The following STOML3 variants were observed in gnomAD, a reference collection of about 807,000 sequenced individuals.
STOML3 encodes the protein stomatin like 3.
A neutral mutation model predicts 29.5 loss-of-function variants in STOML3; 31 were observed. That is an observed-to-expected ratio of 1.05 (90% CI 0.79 to 1.42). STOML3 has a LOEUF of 1.42. Among genes scored for constraint, STOML3 ranks in the 40% most tolerant of loss-of-function variants. STOML3 has a pLI of 0.00. For synonymous variants in STOML3, 122 were observed against 139.8 expected, an observed-to-expected ratio of 0.87 and a Z score of 0.90; for missense variants, 380 against 363.0, an observed-to-expected ratio of 1.05 and a Z score of -0.38.
intron 3 of STOML3, among the ~76,000 whole-genome samples, chr13:38,973,318 G>T (rs932323979): frequency 6.6e-6 from 1 of 151,968 alleles, no homozygotes; most frequent in Non-Finnish European, 1.5e-5. Context: ...TCATTGTACT[G>T]GTTGTGATAA....
At chr13:38,985,889 C>CTT (rs200028643) in intron 1 of STOML3, among the ~76,000 whole-genome samples, 1,300 of 61,384 alleles carry the variant, frequency 0.021, 9 homozygotes, top group Non-Finnish European at 0.037. Flanking sequence ...GTGGCTATTT[C>CTT]TTTTTTTTTT....
chr13:38,988,628 A>T (rs1471956470), intron 1 of STOML3, among the ~76,000 whole-genome samples: 1 of 117,338 alleles, frequency 8.5e-6, no homozygotes, highest in African/African-American at 3.6e-5. Flanking sequence ...TATATAATAT[A>T]TTATATTTTA....
chr13:38,979,419 A>T (rs761092576), intron 1 of STOML3, among the ~76,000 whole-genome samples: 10 of 151,296 alleles, frequency 6.6e-5, no homozygotes, highest in Non-Finnish European at 1.0e-4. Flanking sequence ...TATCTAGAGA[A>T]GTTCTGTAGT....
At chr13:38,988,814 G>T (rs1441657635) in intron 1 of STOML3, among the ~76,000 whole-genome samples, 3 of 141,642 alleles carry the variant, frequency 2.1e-5, no homozygotes, top group African/African-American at 7.7e-5. Context: ...ATAGTATATA[G>T]TATATATAAT....
intron 2 of STOML3, 39 bp from the exon 3 acceptor site, chr13:38,976,651 G>T (rs750024060): frequency 2.5e-5 from 41 of 1,613,866 alleles, no homozygotes; most frequent in Non-Finnish European, 3.4e-5. Context: ...CTAATGGTTT[G>T]TCAGTTCATA....
At position 38,966,850 on chromosome 13, in the gene STOML3, T is replaced by A. The variant is rs754297769; in HGVS notation, c.851A>T (p.His284Leu). 30 of 1,613,412 alleles carry A rather than the reference T, an allele frequency of 1.9e-5. No homozygotes were observed. In the Admixed American group the frequency reaches 4.8e-4, roughly 26 times the overall value. ...TCAGGCTTTATTTGGAAGCTTCTTG[T>A]GGTTATCATAGCTGACGCCACCAAT... The part of the protein sequence containing the change: ...EGIGGVSYDN[H>L]KKLPNKA Residue 284 changes from histidine (H) to leucine (L), a missense_variant, in exon 7 of 7, where the codon CAC becomes CTC. His to Leu is a moderately conservative substitution (Grantham distance 99). Coordinates refer to ENST00000379631, the MANE Select transcript of STOML3 (RefSeq NM_145286.3).
intron 1 of STOML3, among the ~76,000 whole-genome samples, chr13:38,988,553 T>C (rs1868821977): frequency 7.8e-6 from 1 of 127,736 alleles, no homozygotes; most frequent in Non-Finnish European, 1.6e-5. Context: ...ATATCATATA[T>C]TTTATATATA....
At position 38,969,709 on chromosome 13, in the gene STOML3, C is replaced by G. The variant is rs761277281; in HGVS notation, c.516+476G>C. On this transcript the variant is annotated intron_variant, in intron 5 of 6. Transcript: ENST00000379631. ...ACCTCTTTATTGATATCATAATTAT[C>G]ATTACTATTAATGTTATTAGTGATA... Among the ~76,000 whole-genome samples, 4 of 152,032 alleles carry G rather than the reference C, an allele frequency of 2.6e-5. No individual in the cohort carries two copies. The South Asian group carries it at 6.2e-4, about 24-fold the overall frequency.
chr13:38,978,877 A>G (rs1881182290), intron 1 of STOML3, among the ~76,000 whole-genome samples: 1 of 152,216 alleles, frequency 6.6e-6, no homozygotes, highest in Non-Finnish European at 1.5e-5. Flanking sequence ...GCACTTGTGT[A>G]GGATAAATCC....
At chr13:38,969,107 A>G (rs994575201) in intron 5 of STOML3, among the ~76,000 whole-genome samples, 7 of 152,122 alleles carry the variant, frequency 4.6e-5, no homozygotes, top group African/African-American at 1.7e-4. Flanking sequence ...CCTTTTTGAG[A>G]TATTATTTAT....
At chr13:38,973,132 A>T (rs111673788) in intron 3 of STOML3, among the ~76,000 whole-genome samples, 23 of 124,148 alleles carry the variant, frequency 1.9e-4, no homozygotes, top group East Asian at 7.0e-4. Flanking sequence ...AAAAAAAAAA[A>T]TTATCTGGGC....
At chr13:38,973,180 G>A (rs1880950811) in intron 3 of STOML3, among the ~76,000 whole-genome samples, 1 of 151,232 alleles carries the variant, frequency 6.6e-6, no homozygotes, top group Non-Finnish European at 1.5e-5. Flanking sequence ...TACTCGGGAG[G>A]CTGAAGCAGA....
intron 1 of STOML3, among the ~76,000 whole-genome samples, chr13:38,983,285 C>T (rs1217673463): frequency 6.6e-6 from 1 of 152,190 alleles, no homozygotes; most frequent in Non-Finnish European, 1.5e-5. Flanking sequence ...AACCCTACCA[C>T]CCCTTGCTTC....
intron 1 of STOML3, among the ~76,000 whole-genome samples, chr13:38,983,849 CTCTTT>C (rs1051964033): frequency 1.3e-5 from 2 of 152,132 alleles, no homozygotes; most frequent in Non-Finnish European, 2.9e-5. Context: ...TTTGCTTTCT[CTCTTT>C]TCTTTTCTTA....
rs1868408633 is a variant in STOML3, at chr13:38,984,117, CG to C, written c.52+6552del. Among the ~76,000 whole-genome samples, 7 of 152,234 alleles carry C rather than the reference CG, an allele frequency of 4.6e-5. 1 individual carries two copies. In the South Asian group the frequency reaches 1.0e-3, roughly 23 times the overall value. ...CCACTCAGAGCCCAGGCTTCACACA[CG>C]GGCTCTTCCTACATTCGTCATTTGT... On this transcript the variant is annotated intron_variant, in intron 1 of 6. Transcript: ENST00000379631.
chr13:38,985,331 G>C (rs1161673051), intron 1 of STOML3, among the ~76,000 whole-genome samples: 1 of 152,070 alleles, frequency 6.6e-6, no homozygotes, highest in African/African-American at 2.4e-5. Flanking sequence ...GCTGAGGTGG[G>C]TCAATCACTT....
intron 1 of STOML3, among the ~76,000 whole-genome samples, chr13:38,981,226 A>G (rs913213156): frequency 6.7e-6 from 1 of 149,168 alleles, no homozygotes; most frequent in Admixed American, 6.6e-5. Flanking sequence ...CCACAAACAG[A>G]CAGTGGTGCG....
Position 38,971,186 on chromosome 13 carries a change from C to T in STOML3, c.313-798G>A, listed in dbSNP as rs539505808. Among the ~76,000 whole-genome samples the T allele has an allele frequency of 1.1e-4, 17 of 152,256 alleles. 1 individual carries two copies. In the East Asian group the frequency reaches 2.7e-3, roughly 24 times the overall value. Reference sequence around the variant, plus strand: ...TAGCTGGGATTACAGGTGCATGCCACCATGCCCAGCTAATTTTTGTATTTT... The same window carrying T: ...TAGCTGGGATTACAGGTGCATGCCATCATGCCCAGCTAATTTTTGTATTTT... On this transcript the variant is annotated intron_variant, in intron 4 of 6. Transcript: ENST00000379631.
chr13:38,973,260 C>A (rs1880955152), intron 3 of STOML3, among the ~76,000 whole-genome samples: 1 of 151,046 alleles, frequency 6.6e-6, no homozygotes, highest in African/African-American at 2.4e-5. Context: ...CCAGCCTGGG[C>A]AACAAAAGCA....
Sources: gnomAD v4.1 joint callset for allele counts (sites outside exome capture counted in the v4.1 genomes callset) on GRCh38, gnomAD v4.1.1 for gene constraint, MANE v1.5 for transcripts, NCBI Gene and HGNC (gene_info 2026-07-23, HGNC 2026-07-21) for gene names.